Variants in GRAP2 observed in about 807,000 individuals in gnomAD.
GRAP2 encodes GRB2-related adapter protein 2.
In GRAP2, 31 loss-of-function variants were observed where a neutral mutation model predicts 43.5. The observed-to-expected ratio is 0.71, with a 90% CI of 0.54 to 0.96. The LOEUF (loss-of-function observed/expected upper bound fraction) is 0.96. Ranked by LOEUF, GRAP2 falls within the 40% of genes least tolerant of loss-of-function variation. GRAP2 has a pLI of 0.00. For missense variants in GRAP2, 371 were observed against 424.4 expected (o/e 0.87, Z 1.11); for synonymous variants, 156 against 164.8 (o/e 0.95, Z 0.41).
chr22:39,969,364 A>AGAT, intron 6 of GRAP2, 47 bp from the exon 7 acceptor site: 1 of 1,609,682 alleles, frequency 6.2e-7, no homozygotes, highest in Non-Finnish European at 8.5e-7. Flanking sequence ...AACCGGTGGG[A>AGAT]GATGTCCTGG....
chr22:39,957,185 T>C (rs2067063528), intron 3 of GRAP2, among the ~76,000 whole-genome samples: 2 of 152,166 alleles, frequency 1.3e-5, no homozygotes, highest in South Asian at 4.1e-4. Flanking sequence ...TATTGGTGAC[T>C]CCAGCAAGGT....
chr22:39,910,787 T>A (rs775853320), intron 1 of GRAP2, among the ~76,000 whole-genome samples: 7 of 151,922 alleles, frequency 4.6e-5, no homozygotes, highest in Non-Finnish European at 8.8e-5. Context: ...TGTAAAGACA[T>A]TTATTTCTAT....
At chr22:39,951,043 C>G (rs1450151303) in intron 2 of GRAP2, among the ~76,000 whole-genome samples, 1 of 152,236 alleles carries the variant, frequency 6.6e-6, no homozygotes, top group Non-Finnish European at 1.5e-5. Flanking sequence ...AACAGACCAT[C>G]AGTTTCCTGG....
chr22:39,919,912 G>A (rs1472513950), intron 1 of GRAP2, among the ~76,000 whole-genome samples: 1 of 152,214 alleles, frequency 6.6e-6, no homozygotes. Context: ...AAGGGGATAA[G>A]TGCCATTGTT....
At chr22:39,955,335 C>T (rs528495480) in intron 2 of GRAP2, among the ~76,000 whole-genome samples, 7 of 151,514 alleles carry the variant, frequency 4.6e-5, no homozygotes, top group Non-Finnish European at 8.8e-5. Flanking sequence ...TCCAGCCTGG[C>T]GACAGAGCAA....
At chr22:39,940,076 C>T (rs939534954) in intron 1 of GRAP2, among the ~76,000 whole-genome samples, 4 of 152,122 alleles carry the variant, frequency 2.6e-5, no homozygotes, top group East Asian at 1.9e-4. Flanking sequence ...GCCACAGAGC[C>T]GCATCTCCAG....
chr22:39,923,199 A>G (rs1363117415), intron 1 of GRAP2, among the ~76,000 whole-genome samples: 1 of 152,198 alleles, frequency 6.6e-6, no homozygotes, highest in Non-Finnish European at 1.5e-5. Context: ...GTGGTGCCAG[A>G]TAGTGCCAGA....
intron 1 of GRAP2, chr22:39,946,792 G>T (rs978659020): frequency 6.7e-6 from 2 of 297,296 alleles, no homozygotes; most frequent in African/African-American, 2.2e-5. Context: ...AAACAGAGAT[G>T]CCCCCAAAAG....
intron 2 of GRAP2, among the ~76,000 whole-genome samples, chr22:39,949,015 C>T (rs1188302898): frequency 1.3e-5 from 2 of 152,200 alleles, no homozygotes; most frequent in Non-Finnish European, 2.9e-5. Context: ...GTGCCAAAGA[C>T]CCTCAAGTCT....
chr22:39,969,272 G>C, intron 6 of GRAP2, 139 bp from the exon 7 acceptor site: 1 of 963,734 alleles, frequency 1.0e-6, no homozygotes, highest in Non-Finnish European at 1.6e-6. Flanking sequence ...CCTCCTCAAC[G>C]TGGAGGGTTT....
intron 1 of GRAP2, among the ~76,000 whole-genome samples, chr22:39,906,701 CCCCCCAG>C (rs1426030583): frequency 6.6e-6 from 1 of 152,092 alleles, no homozygotes; most frequent in Non-Finnish European, 1.5e-5. Context: ...TTTCTCCACA[CCCCCCAG>C]CCTTCTAGAA....
intron 2 of GRAP2, 83 bp from the exon 3 acceptor site, chr22:39,955,736 C>A: frequency 1.4e-6 from 1 of 728,994 alleles, no homozygotes; most frequent in Admixed American, 2.0e-5. Flanking sequence ...TCCAAAAGGG[C>A]CTTCTTTGCC....
At chr22:39,916,264 G>A (rs1316829975) in intron 1 of GRAP2, among the ~76,000 whole-genome samples, 3 of 152,252 alleles carry the variant, frequency 2.0e-5, no homozygotes, top group East Asian at 1.9e-4. Flanking sequence ...CTCCGTGAAC[G>A]GAAGTGAATG....
At chr22:39,933,912 A>G (rs1231310368) in intron 1 of GRAP2, among the ~76,000 whole-genome samples, 1 of 152,132 alleles carries the variant, frequency 6.6e-6, no homozygotes, top group African/African-American at 2.4e-5. Flanking sequence ...TTGCTCTGTC[A>G]AGCAAGGAGA....
rs1276011096 is a variant in GRAP2 at position 39,973,099 on chromosome 22, C to G, written c.*2015C>G. On this transcript the variant is annotated 3_prime_UTR_variant, in exon 8 of 8. Coordinates refer to ENST00000344138, the MANE Select transcript of GRAP2 (RefSeq NM_004810.4). ...AGAACAAAGGCAGAGAAGACCTCCT[C>G]AGCTATTTTGGTGCTAGGTAATGTG... The G allele has an allele frequency of 6.6e-6, 1 of 152,438 alleles. No individual in the cohort carries two copies. Among genetic ancestry groups the G allele is most frequent in the Non-Finnish European group, 1.5e-5 (1 of 68,064 alleles). The allele number at this position is 152,438 out of a possible 1,614,324, so 9.4% of individuals were successfully genotyped here. A position where few individuals can be genotyped will look rare whatever the true frequency, so the allele number is the denominator to read the frequency against.
At chr22:39,937,723 G>A (rs1241601870) in intron 1 of GRAP2, among the ~76,000 whole-genome samples, 1 of 152,198 alleles carries the variant, frequency 6.6e-6, no homozygotes, top group Non-Finnish European at 1.5e-5. Context: ...CTGAGGCACA[G>A]AGAAGATAAA....
At chr22:39,908,836 C>T (rs2066539816) in intron 1 of GRAP2, among the ~76,000 whole-genome samples, 1 of 152,192 alleles carries the variant, frequency 6.6e-6, no homozygotes, top group African/African-American at 2.4e-5. Context: ...GTTAGATCAA[C>T]TTGTTGCAGA....
chr22:39,921,724 A>T (rs2066654307), intron 1 of GRAP2, among the ~76,000 whole-genome samples: 3 of 152,222 alleles, frequency 2.0e-5, no homozygotes, highest in African/African-American at 7.2e-5. Flanking sequence ...TGTCTAGGAA[A>T]ATGTGTTACT....
upstream of GRAP2, among the ~76,000 whole-genome samples, chr22:39,897,779 A>G (rs2066471908): frequency 1.3e-5 from 2 of 152,010 alleles, no homozygotes; most frequent in Non-Finnish European, 2.9e-5. Flanking sequence ...TCAGTCTCCC[A>G]AAGTGCTGGG....
Sources: allele counts gnomAD v4.1 joint callset (sites outside exome capture counted in the v4.1 genomes callset), GRCh38; gene constraint gnomAD v4.1.1; transcripts MANE v1.5; gene names NCBI Gene and HGNC (gene_info 2026-07-23, HGNC 2026-07-21).